DLGAP2: variants seen among roughly 807,000 people sequenced by gnomAD.
DLGAP2 encodes disks large-associated protein 2.
DLGAP2 carries 26 observed loss-of-function variants against 100.3 expected under a neutral mutation model. That is an observed-to-expected ratio of 0.26 (90% CI 0.19 to 0.36). DLGAP2 has a LOEUF of 0.36. Among genes scored for constraint, DLGAP2 ranks in the 10% least tolerant of loss-of-function variants. The probability of loss-of-function intolerance (pLI) is 1.00; values close to 1 mark genes in which losing one functional copy is unlikely to be tolerated. For synonymous variants in DLGAP2, 886 were observed against 630.1 expected (o/e 1.41, Z -6.08); for missense variants, 1,858 against 1,453.2 (o/e 1.28, Z -4.53).
Position 1,084,158 on chromosome 8 carries a change from A to T in DLGAP2, c.74-174693A>T, listed in dbSNP as rs1314864489. On this transcript the variant is annotated intron_variant, in intron 2 of 14. Transcript: ENST00000637795. ...TGTTTAATATCAGTAAGTCTTTTAT[A>T]GTGAAGTTAAGATTCTTCAAAAGGT... Among the ~76,000 whole-genome samples the T allele has an allele frequency of 3.9e-5, 6 of 152,358 alleles. No homozygotes were observed. In the East Asian group the frequency reaches 1.2e-3, roughly 29 times the overall value.
intron 2 of DLGAP2, among the ~76,000 whole-genome samples, chr8:925,266 C>T (rs1798789117): frequency 6.6e-6 from 1 of 152,114 alleles, no homozygotes; most frequent in Non-Finnish European, 1.5e-5. Flanking sequence ...CCACCTTGCT[C>T]AGCTAATTTT....
intron 2 of DLGAP2, among the ~76,000 whole-genome samples, chr8:914,122 C>G (rs1237863448): frequency 1.3e-5 from 2 of 152,230 alleles, no homozygotes; most frequent in Non-Finnish European, 2.9e-5. Context: ...ATTTATAATG[C>G]CTTTTCTCTT....
intron 2 of DLGAP2, among the ~76,000 whole-genome samples, chr8:1,030,753 C>G (rs537020760): frequency 1.3e-5 from 2 of 152,284 alleles, no homozygotes; most frequent in African/African-American, 4.8e-5. Flanking sequence ...AGAATGCTTC[C>G]TAGAGACCCA....
intron 2 of DLGAP2, among the ~76,000 whole-genome samples, chr8:1,058,620 G>C (rs911288210): frequency 2.0e-5 from 3 of 152,194 alleles, no homozygotes; most frequent in Non-Finnish European, 4.4e-5. Context: ...ATCACGGCTG[G>C]TTAAAATCCA....
Position 1,070,361 on chromosome 8 carries a change from C to T in DLGAP2, c.73+162395C>T, listed in dbSNP as rs188723520. ...TGGTGAGCAGCGGCTGACATGGGCT[C>T]GTCCTGCCATGGCCCAATAAATCTC... On this transcript the variant is annotated intron_variant, in intron 2 of 14. Transcript: ENST00000637795. Among the ~76,000 whole-genome samples the T allele has an allele frequency of 2.8e-4, 43 of 152,284 alleles. No individual in the cohort carries two copies. In the Middle Eastern group the frequency reaches 0.014, roughly 48 times the overall value.
intron 3 of DLGAP2, among the ~76,000 whole-genome samples, chr8:1,481,158 C>T (rs533761520): frequency 4.6e-5 from 7 of 151,750 alleles, no homozygotes; most frequent in Admixed American, 2.6e-4. Context: ...GGTGACAGAG[C>T]GAGACCCCAT....
intron 3 of DLGAP2, among the ~76,000 whole-genome samples, chr8:1,331,813 A>T (rs1563087880): frequency 2.0e-5 from 3 of 152,154 alleles, no homozygotes; most frequent in South Asian, 2.1e-4. Flanking sequence ...CCTTTCTGGG[A>T]TCTGTGAACA....
At chr8:1,485,508 G>C (rs1021602753) in intron 3 of DLGAP2, among the ~76,000 whole-genome samples, 25 of 152,366 alleles carry the variant, frequency 1.6e-4, no homozygotes, top group Admixed American at 1.6e-3. Context: ...GATTTTTATA[G>C]CAGACGCGGT....
intron 1 of DLGAP2, among the ~76,000 whole-genome samples, chr8:756,288 G>A (rs1820919244): frequency 6.6e-6 from 1 of 152,078 alleles, no homozygotes; most frequent in Non-Finnish European, 1.5e-5. Flanking sequence ...GCATGGTCAT[G>A]GCCGGATAGG....
chr8:1,623,749 G>A (rs1430595991), intron 6 of DLGAP2, among the ~76,000 whole-genome samples: 1 of 152,270 alleles, frequency 6.6e-6, no homozygotes, highest in African/African-American at 2.4e-5. Flanking sequence ...GGAAGGTTGG[G>A]AAGAGGCCTG....
chr8:1,290,624 A>G (rs1043520489), intron 3 of DLGAP2, among the ~76,000 whole-genome samples: 2 of 152,248 alleles, frequency 1.3e-5, no homozygotes, highest in Admixed American at 1.3e-4. Flanking sequence ...CCAGAAAGGC[A>G]GAGGCCTCCG....
At chr8:997,856 AC>A (rs1800825157) in intron 2 of DLGAP2, among the ~76,000 whole-genome samples, 2 of 146,070 alleles carry the variant, frequency 1.4e-5, no homozygotes, top group Admixed American at 1.3e-4. Context: ...ATACATACAC[AC>A]ATACACACAA....
At chr8:1,460,385 A>G (rs1383170876) in intron 3 of DLGAP2, among the ~76,000 whole-genome samples, 1 of 152,246 alleles carries the variant, frequency 6.6e-6, no homozygotes, top group Non-Finnish European at 1.5e-5. Flanking sequence ...TCAATGTGTC[A>G]GATGCTGGCT....
chr8:1,244,372 T>G (rs984475447), intron 2 of DLGAP2, among the ~76,000 whole-genome samples: 5 of 152,214 alleles, frequency 3.3e-5, no homozygotes, highest in African/African-American at 1.2e-4. Context: ...TGTTAAACGC[T>G]GTATGAACAT....
chr8:806,426 C>T (rs536759734), intron 1 of DLGAP2, among the ~76,000 whole-genome samples: 5 of 152,290 alleles, frequency 3.3e-5, no homozygotes, highest in Middle Eastern at 6.8e-3. Context: ...CTGGTCACCG[C>T]GGCCAGGGGA....
chr8:1,675,336 C>A (rs1031633692), intron 10 of DLGAP2, among the ~76,000 whole-genome samples: 3 of 152,140 alleles, frequency 2.0e-5, no homozygotes, highest in African/African-American at 4.8e-5. Flanking sequence ...GAGCAAGTCA[C>A]CCCCCTCCTC....
intron 1 of DLGAP2, chr8:738,838 G>C (rs1820400436): frequency 6.6e-6 from 1 of 152,524 alleles, no homozygotes; most frequent in Non-Finnish European, 1.5e-5. Flanking sequence ...GTGGGCGCCG[G>C]CGAGAAGGCG....
At chr8:1,552,125 C>T (rs1196614929) in intron 5 of DLGAP2, among the ~76,000 whole-genome samples, 1 of 152,204 alleles carries the variant, frequency 6.6e-6, no homozygotes, top group East Asian at 1.9e-4. Context: ...TCCTGGACTT[C>T]CCTGCCCTGA....
At chr8:1,110,943 G>C (rs1444985450) in intron 2 of DLGAP2, among the ~76,000 whole-genome samples, 1 of 152,066 alleles carries the variant, frequency 6.6e-6, no homozygotes, top group African/African-American at 2.4e-5. Context: ...GAGTGTGAGG[G>C]TTGGTTCCTT....
Sources: gnomAD v4.1 joint callset for allele counts (sites outside exome capture counted in the v4.1 genomes callset) on GRCh38, gnomAD v4.1.1 for gene constraint, MANE v1.5 for transcripts, NCBI Gene and HGNC (gene_info 2026-07-23, HGNC 2026-07-21) for gene names.